ENOX1: variants seen among roughly 807,000 people sequenced by gnomAD.
ENOX1 encodes the protein ecto-NOX disulfide-thiol exchanger 1, also known as candidate growth-related and time keeping constitutive hydroquinone (NADH) oxidase.
Under a neutral mutation model 82.5 loss-of-function variants are expected in ENOX1, and 42 were observed. The observed-to-expected ratio is 0.51, with a 90% CI of 0.40 to 0.66. ENOX1 has a LOEUF of 0.66. ENOX1 is among the 30% of genes least tolerant of loss of function. ENOX1 has a pLI of 0.00. For synonymous variants in ENOX1, 271 were observed against 282.2 expected (o/e 0.96, Z 0.40); for missense variants, 608 against 811.6 (o/e 0.75, Z 3.05).
chr13:43,559,448 G>A (rs998019464), intron 2 of ENOX1, among the ~76,000 whole-genome samples: 2 of 152,176 alleles, frequency 1.3e-5, no homozygotes, highest in African/African-American at 4.8e-5. Context: ...ATGGGAATCA[G>A]AGGGACTTAA....
At chr13:43,237,231 C>T (rs1399565522) in intron 14 of ENOX1, among the ~76,000 whole-genome samples, 1 of 152,086 alleles carries the variant, frequency 6.6e-6, no homozygotes, top group Non-Finnish European at 1.5e-5. Context: ...TGAATAAATG[C>T]AAGAGGCAGA....
chr13:43,324,798 C>T (rs1282145276), intron 10 of ENOX1, among the ~76,000 whole-genome samples: 11 of 152,202 alleles, frequency 7.2e-5, no homozygotes, highest in Admixed American at 5.9e-4. Flanking sequence ...CCCCACCACA[C>T]CCACGCAGAG....
chr13:43,392,005 C>A (rs1198402286), intron 5 of ENOX1, among the ~76,000 whole-genome samples: 2 of 152,162 alleles, frequency 1.3e-5, no homozygotes, highest in Non-Finnish European at 2.9e-5. Flanking sequence ...TTGTCCAGGA[C>A]TTCTCCAAGC....
rs535508878 is a variant in ENOX1 at position 43,298,300 on chromosome 13, CAT to C, written c.1446+44_1446+45del. ...TGCCTTTCCATTTTCATTTAATACA[CAT>C]ATCTCTTTCTCTCAAAAAAAAAAAA... On this transcript the variant is annotated intron_variant, in intron 12 of 16. Transcript: ENST00000690772. The C allele has an allele frequency of 2.0e-4, 300 of 1,519,698 alleles. 10 individuals are homozygous for C. The South Asian group carries it at 3.5e-3, about 18-fold the overall frequency. 94.1% of individuals were successfully genotyped at this position (1,519,698 alleles called of 1,614,324 possible). A position where few individuals can be genotyped will look rare whatever the true frequency, so the allele number is the denominator to read the frequency against.
intron 2 of ENOX1, among the ~76,000 whole-genome samples, chr13:43,508,500 A>G (rs12869837): frequency 0.19 from 29,522 of 151,910 alleles, 3,398 homozygotes; most frequent in East Asian, 0.32. Flanking sequence ...CATCTTAAAA[A>G]GGAATCATTT....
chr13:43,497,593 T>C (rs375746119), intron 2 of ENOX1, among the ~76,000 whole-genome samples: 4 of 152,182 alleles, frequency 2.6e-5, no homozygotes, highest in Non-Finnish European at 5.9e-5. Flanking sequence ...TATTACTGTA[T>C]GTTAATACAT....
At chr13:43,607,947 G>C (rs2153735501) in intron 2 of ENOX1, among the ~76,000 whole-genome samples, 1 of 152,288 alleles carries the variant, frequency 6.6e-6, no homozygotes, top group East Asian at 1.9e-4. Flanking sequence ...TCAGGGAGTT[G>C]CAATGGCTTA....
chr13:43,321,464 G>A (rs1364180777), intron 11 of ENOX1, among the ~76,000 whole-genome samples: 2 of 152,174 alleles, frequency 1.3e-5, no homozygotes, highest in Non-Finnish European at 2.9e-5. Flanking sequence ...GAGAAACAGA[G>A]CATCCTGACC....
chr13:43,285,560 AT>A (rs1455405986), intron 12 of ENOX1, among the ~76,000 whole-genome samples: 1 of 151,714 alleles, frequency 6.6e-6, no homozygotes, highest in African/African-American at 2.4e-5. Flanking sequence ...TATAAGAAGG[AT>A]TTTTTTTGCC....
intron 2 of ENOX1, among the ~76,000 whole-genome samples, chr13:43,638,236 T>C (rs988366654): frequency 1.3e-5 from 2 of 152,194 alleles, no homozygotes; most frequent in Non-Finnish European, 1.5e-5. Context: ...TATCACATAG[T>C]ATCAAGCTAT....
intron 14 of ENOX1, among the ~76,000 whole-genome samples, chr13:43,241,056 G>C (rs189367361): frequency 1.3e-5 from 2 of 152,232 alleles, no homozygotes. Context: ...CTCTCAGTGG[G>C]ATTTCATATT....
chr13:43,725,421 T>C (rs80001592), intron 1 of ENOX1, among the ~76,000 whole-genome samples: 7,092 of 152,042 alleles, frequency 0.047, 148 homozygotes, highest in East Asian at 0.063. Flanking sequence ...CAAGTAGTAG[T>C]GTTATTCTTT....
intron 3 of ENOX1, among the ~76,000 whole-genome samples, chr13:43,476,003 A>G (rs1252006074): frequency 6.6e-6 from 1 of 152,052 alleles, no homozygotes; most frequent in Non-Finnish European, 1.5e-5. Flanking sequence ...CTCTAATCTT[A>G]TATTTGTTTA....
At chr13:43,338,708 T>C (rs985704288) in intron 9 of ENOX1, among the ~76,000 whole-genome samples, 5 of 120,362 alleles carry the variant, frequency 4.2e-5, no homozygotes, top group East Asian at 4.6e-4. Flanking sequence ...TTTTTTGAGA[T>C]GGAGTCTCGC....
At chr13:43,226,631 T>C (rs2042036285) in intron 15 of ENOX1, among the ~76,000 whole-genome samples, 1 of 152,228 alleles carries the variant, frequency 6.6e-6, no homozygotes, top group Non-Finnish European at 1.5e-5. Flanking sequence ...TCCCAGGTAC[T>C]ATGGCCACTG....
chr13:43,439,232 T>G (rs1237517218), intron 3 of ENOX1, among the ~76,000 whole-genome samples: 1 of 151,646 alleles, frequency 6.6e-6, no homozygotes, highest in Non-Finnish European at 1.5e-5. Context: ...TTTGTATTTT[T>G]TTTTTCACTT....
chr13:43,343,318 T>C (rs1311638388), intron 9 of ENOX1, among the ~76,000 whole-genome samples: 1 of 152,216 alleles, frequency 6.6e-6, no homozygotes, highest in Non-Finnish European at 1.5e-5. Flanking sequence ...TTTCTAGACA[T>C]ACACTCTTAA....
intron 1 of ENOX1, among the ~76,000 whole-genome samples, chr13:43,744,702 T>C (rs1949926765): frequency 6.6e-6 from 1 of 152,224 alleles, no homozygotes; most frequent in Non-Finnish European, 1.5e-5. Flanking sequence ...TCACCATTAT[T>C]AAAGTATGTT....
intron 13 of ENOX1, 64 bp from the exon 14 acceptor site, chr13:43,265,518 TA>T: frequency 7.4e-7 from 1 of 1,355,582 alleles, no homozygotes; most frequent in Non-Finnish European, 1.0e-6. Context: ...ATCTCTTAAG[TA>T]TATCATCTTG....
Sources: allele counts gnomAD v4.1 joint callset (sites outside exome capture counted in the v4.1 genomes callset), GRCh38; gene constraint gnomAD v4.1.1; transcripts MANE v1.5; gene names NCBI Gene and HGNC (gene_info 2026-07-23, HGNC 2026-07-21).